Variants in ABCC8 observed in about 807,000 individuals in gnomAD.
The protein encoded by ABCC8 is ATP-binding cassette sub-family C member 8.
A neutral mutation model predicts 188.0 loss-of-function variants in ABCC8; 137 were observed. That is an observed-to-expected ratio of 0.73 (90% CI 0.63 to 0.84). ABCC8 has a LOEUF of 0.84. Ranked by LOEUF, ABCC8 falls within the 40% of genes least tolerant of loss-of-function variation. The pLI, the probability that ABCC8 is intolerant of heterozygous loss-of-function variation, is 0.00. For missense variants in ABCC8, 1,750 were observed against 2,072.7 expected (o/e 0.84, Z 3.02); for synonymous variants, 797 against 846.5 (o/e 0.94, Z 1.01).
At chr11:17,396,878 G>A (rs760441299) in intron 33 of ABCC8, 38 bp downstream of exon 33, 5 of 1,610,886 alleles carry the variant, frequency 3.1e-6, no homozygotes, top group Non-Finnish European at 4.2e-6. Context: ...CCCTGCTCAC[G>A]CCTGTCCTGC....
intron 6 of ABCC8, among the ~76,000 whole-genome samples, chr11:17,456,248 A>AT (rs1296576956): frequency 6.6e-6 from 1 of 152,152 alleles, no homozygotes; most frequent in African/African-American, 2.4e-5. Context: ...CTCAATACCG[A>AT]TTTTTTAAAA....
intron 4 of ABCC8, among the ~76,000 whole-genome samples, chr11:17,462,163 A>C (rs370821962): frequency 6.6e-6 from 1 of 152,274 alleles, no homozygotes; most frequent in African/African-American, 2.4e-5. Flanking sequence ...TATACAGTTC[A>C]CAGAACTCCA....
rs1953723218 is a variant in ABCC8 at position 17,393,251 on chromosome 11, T to C, written c.4609-123A>G. On this transcript the variant is annotated intron_variant, in intron 38 of 38. Coordinates refer to ENST00000389817, the MANE Select transcript of ABCC8 (RefSeq NM_000352.6). Reference sequence around the variant, plus strand: ...GATGAGGCATGTGGCCAGAATGTCCTGTCACTGTGGGGACTGCACTTTCCT... The same window carrying C: ...GATGAGGCATGTGGCCAGAATGTCCCGTCACTGTGGGGACTGCACTTTCCT... The C allele has an allele frequency of 5.8e-6, 8 of 1,370,834 alleles. No individual in the cohort carries two copies. In the South Asian group the frequency reaches 8.9e-5, roughly 15 times the overall value. 84.9% of individuals were successfully genotyped at this position (1,370,834 alleles called of 1,614,324 possible). A position where few individuals can be genotyped will look rare whatever the true frequency, so the allele number is the denominator to read the frequency against.
Position 17,460,546 on chromosome 11 carries a change from A to G in ABCC8, c.953T>C (p.Leu318Pro). The G allele has an allele frequency of 6.2e-7, 1 of 1,614,130 alleles. No homozygotes were observed. Among genetic ancestry groups the G allele is most frequent in the Non-Finnish European group, 8.5e-7 (1 of 1,180,046 alleles). ...GTGGTCCACGATCCCAAAGATGCAC[A>G]GTGGCCCGGCGAAGCCCAGCAGGTC... The part of the protein sequence containing the change: ...LADLLGFAGP[L>P]CIFGIVDHLG... Residue 318 changes from leucine (L) to proline (P), a missense_variant, in exon 6 of 39, where the codon CTG becomes CCG. Leu to Pro is a moderately conservative substitution (Grantham distance 98). Transcript: ENST00000389817.
intron 12 of ABCC8, chr11:17,430,456 G>A: frequency 5.4e-6 from 2 of 369,652 alleles, no homozygotes; most frequent in Non-Finnish European, 1.0e-5. Flanking sequence ...GCCACGTGGG[G>A]ACGGGATGGC....
chr11:17,470,404 A>C (rs1345190872), intron 2 of ABCC8, 182 bp from the exon 3 acceptor site: 1 of 474,852 alleles, frequency 2.1e-6, no homozygotes, highest in Non-Finnish European at 2.7e-6. Context: ...CAGTACATGG[A>C]GTAGAGCTGG....
At chr11:17,410,442 T>C in intron 22 of ABCC8, 74 bp downstream of exon 22, 2 of 1,524,252 alleles carry the variant, frequency 1.3e-6, no homozygotes, top group South Asian at 1.1e-5. Context: ...AGACAACGGA[T>C]TGGTTCCTGC....
At chr11:17,393,652 C>T in intron 38 of ABCC8, 45 bp downstream of exon 38, 1 of 1,613,686 alleles carries the variant, frequency 6.2e-7, no homozygotes, top group Non-Finnish European at 8.5e-7. Flanking sequence ...ACAGGCCAGT[C>T]CTGTCCCTGG....
At chr11:17,450,450 G>A (rs1297482833) in intron 7 of ABCC8, among the ~76,000 whole-genome samples, 24 of 137,974 alleles carry the variant, frequency 1.7e-4, no homozygotes, top group Non-Finnish European at 3.6e-4. Flanking sequence ...GCTGGAGTGC[G>A]GTGGTGCCAT....
chr11:17,475,138 T>C (rs1848691013), intron 1 of ABCC8, 111 bp from the exon 2 acceptor site: 9 of 1,489,858 alleles, frequency 6.0e-6, no homozygotes, highest in Non-Finnish European at 8.2e-6. Context: ...GGGTGACACC[T>C]ACACATGAGG....
At chr11:17,409,613 T>C (rs1245723820) in intron 22 of ABCC8, among the ~76,000 whole-genome samples, 1 of 152,204 alleles carries the variant, frequency 6.6e-6, no homozygotes, top group Non-Finnish European at 1.5e-5. Flanking sequence ...GGAAGGAAGA[T>C]TTATTTTGGG....
In ABCC8 at chr11:17,427,480, C is replaced by T. The variant is rs1336255810; in HGVS notation, c.2117-326G>A. On this transcript the variant is annotated intron_variant, in intron 15 of 38. Coordinates refer to ENST00000389817, the MANE Select transcript of ABCC8 (RefSeq NM_000352.6). This position sits in a 1 kb window ranked among gnomAD's most constrained non-coding sequence, Gnocchi z 5.0. ...ACCATCCTGGGTCCCACCTCCAACC[C>T]ACCTCCATACTTTGCTCATGGCTGC... Among the ~76,000 whole-genome samples, 1 of 152,162 alleles carries T rather than the reference C, an allele frequency of 6.6e-6. No individual in the cohort carries two copies. The highest frequency in any genetic ancestry group is 1.5e-5 in the Non-Finnish European group (1 of 68,036).
chr11:17,392,781 C>T, downstream of ABCC8: 2 of 633,852 alleles, frequency 3.2e-6, no homozygotes, highest in East Asian at 2.8e-5. Context: ...GGTAAGGAAG[C>T]AGGCTTTTGC....
At chr11:17,395,343 G>A in intron 35 of ABCC8, 68 bp from the exon 36 acceptor site, 2 of 1,550,504 alleles carry the variant, frequency 1.3e-6, no homozygotes, top group Non-Finnish European at 1.7e-6. Context: ...AGGCGGCAAA[G>A]AGGGCAGTGA....
rs1474817988 is a variant in ABCC8 at position 17,394,409 on chromosome 11, GC to G, written c.4412-11del. 1 of 1,614,078 alleles carries G rather than the reference GC, an allele frequency of 6.2e-7. No individual in the cohort carries two copies. The highest frequency in any genetic ancestry group is 8.5e-7 in the Non-Finnish European group (1 of 1,180,056). On this transcript the variant is annotated splice_polypyrimidine_tract_variant and intron_variant, in intron 36 of 38. Coordinates refer to ENST00000389817, the MANE Select transcript of ABCC8 (RefSeq NM_000352.6). Reference sequence around the variant, plus strand: ...TCTGTGATGATGGCATCTGAAAACAGCCCGGGGAGATGAAGTAGGACTGAGT... The same window carrying G: ...TCTGTGATGATGGCATCTGAAAACAGCCGGGGAGATGAAGTAGGACTGAGT...
chr11:17,442,636 GCACCCC>G, intron 10 of ABCC8, 78 bp downstream of exon 10: 2 of 1,386,098 alleles, frequency 1.4e-6, no homozygotes, highest in Admixed American at 3.3e-5. Context: ...TTCTGTCCCT[GCACCCC>G]CTCTTACCCG....
rs374869130 is a variant in ABCC8, at chr11:17,428,562, C to T, written c.1923+3G>A. On this transcript the variant is annotated splice_donor_region_variant and intron_variant, in intron 13 of 38. Transcript: ENST00000389817. ...GAGTAGCAAGGGGAGGCCGGGCACT[C>T]ACCACCGCCTGGTACTTGCTGGCTG... 81 of 1,614,020 alleles carry T rather than the reference C, an allele frequency of 5.0e-5. No individual in the cohort carries two copies. In the African/African-American group the frequency reaches 8.7e-4, roughly 17 times the overall value.
intron 10 of ABCC8, 57 bp downstream of exon 10, chr11:17,442,662 AC>A (rs1956361172): frequency 6.4e-7 from 1 of 1,563,570 alleles, no homozygotes; most frequent in Non-Finnish European, 8.8e-7. Context: ...GAGCTCTGAC[AC>A]CCTCTCCTTG....
intron 10 of ABCC8, among the ~76,000 whole-genome samples, chr11:17,440,086 C>T (rs1184306085): frequency 1.3e-5 from 2 of 152,180 alleles, no homozygotes; most frequent in African/African-American, 2.4e-5. Context: ...CACCTGCCCC[C>T]ACTACATGAC....
Sources: allele counts gnomAD v4.1 joint callset (sites outside exome capture counted in the v4.1 genomes callset), GRCh38; gene constraint gnomAD v4.1.1; non-coding constraint Gnocchi (gnomAD v3.1); transcripts MANE v1.5; gene names NCBI Gene and HGNC (gene_info 2026-07-23, HGNC 2026-07-21).